Variants in UTP18 observed in about 807,000 individuals in gnomAD.
The protein encoded by UTP18 is U3 small nucleolar RNA-associated protein 18 homolog.
In UTP18, 36 loss-of-function variants were observed where a neutral mutation model predicts 61.1. The ratio of observed to expected loss-of-function variants is 0.59; its 90% CI spans 0.45 to 0.78. UTP18 has a LOEUF of 0.78. UTP18 is among the 30% of genes least tolerant of loss of function. UTP18 has a pLI of 0.00. For synonymous variants in UTP18, 282 were observed against 251.1 expected, an observed-to-expected ratio of 1.12 and a Z score of -1.16; for missense variants, 753 against 693.9, an observed-to-expected ratio of 1.09 and a Z score of -0.96.
At chr17:51,282,835 C>G (rs1010444694) in intron 9 of UTP18, among the ~76,000 whole-genome samples, 6 of 150,542 alleles carry the variant, frequency 4.0e-5, no homozygotes, top group Non-Finnish European at 7.4e-5. Context: ...CCTCTCTCTC[C>G]GCTTCTTCCT....
intron 8 of UTP18, 35 bp downstream of exon 8, chr17:51,280,140 A>C: frequency 1.3e-6 from 2 of 1,585,248 alleles, no homozygotes; most frequent in Admixed American, 1.7e-5. Context: ...TTCTTCTCCC[A>C]CAAGACACTA....
chr17:51,292,256 G>T (rs1905258145), intron 11 of UTP18, among the ~76,000 whole-genome samples: 1 of 152,156 alleles, frequency 6.6e-6, no homozygotes, highest in Non-Finnish European at 1.5e-5. Flanking sequence ...TGGTATTTAA[G>T]AACTTTAGAA....
chr17:51,293,855 A>G, intron 11 of UTP18, 48 bp from the exon 12 acceptor site: 1 of 1,412,012 alleles, frequency 7.1e-7, no homozygotes, highest in Non-Finnish European at 9.4e-7. Context: ...TTTAAGAAAC[A>G]TGAGCTCCCA....
Position 51,260,552 on chromosome 17 carries a change from C to A in UTP18, c.-33C>A, listed in dbSNP as rs774496350. ...TGGGCGCATGCGCAGCGAGGTTCCA[C>A]GTGAGCGCCTGCGTTTCTCCTCAAA... On this transcript the variant is annotated 5_prime_UTR_variant, in exon 1 of 14. Coordinates refer to ENST00000225298, the MANE Select transcript of UTP18 (RefSeq NM_016001.3). The A allele has an allele frequency of 6.3e-7, 1 of 1,593,508 alleles. No individual in the cohort carries two copies. Among genetic ancestry groups the A allele is most frequent in the Non-Finnish European group, 8.5e-7 (1 of 1,171,880 alleles).
At chr17:51,290,551 C>G (rs76018838) in intron 11 of UTP18, among the ~76,000 whole-genome samples, 2 of 152,172 alleles carry the variant, frequency 1.3e-5, no homozygotes, top group Non-Finnish European at 2.9e-5. Flanking sequence ...GCTTTAAAAT[C>G]CCTGCTCCCT....
chr17:51,285,228 T>C lies in UTP18; in HGVS notation c.1205-17T>C, dbSNP rs1352711568. On this transcript the variant is annotated splice_polypyrimidine_tract_variant and intron_variant, in intron 9 of 13. Transcript: ENST00000225298. ...TAAAGCAAAATTAACAACTCTTTTT[T>C]TCGCTCTTTTATGCAGGGGATGGAG... 5.0e-6 allele frequency: 8 copies of C among 1,612,186 alleles called. No individual in the cohort carries two copies. The highest frequency in any genetic ancestry group is 4.5e-5 in the East Asian group (2 of 44,804).
chr17:51,265,628 A>G (rs1473074081), intron 2 of UTP18, among the ~76,000 whole-genome samples: 1 of 138,280 alleles, frequency 7.2e-6, no homozygotes, highest in Non-Finnish European at 1.5e-5. Flanking sequence ...CAGTGCCACA[A>G]TCTGGGCTCA....
intron 13 of UTP18, 56 bp from the exon 14 acceptor site, chr17:51,297,726 T>C: frequency 2.3e-6 from 1 of 436,718 alleles, no homozygotes; most frequent in Non-Finnish European, 4.5e-6. Context: ...AGTACGTGTC[T>C]GTTGATGACC....
chr17:51,267,009 G>A (rs776106597), intron 3 of UTP18, among the ~76,000 whole-genome samples: 1 of 152,020 alleles, frequency 6.6e-6, no homozygotes, highest in Non-Finnish European at 1.5e-5. Context: ...AAATTTTTTT[G>A]TAGGAATGGG....
chr17:51,270,561 T>C (rs1333507608), intron 4 of UTP18, among the ~76,000 whole-genome samples: 1 of 152,160 alleles, frequency 6.6e-6, no homozygotes, highest in Non-Finnish European at 1.5e-5. Context: ...CACATAAAAT[T>C]GGGGTGGTAG....
chr17:51,266,099 A>G (rs1371921690), intron 2 of UTP18, 83 bp from the exon 3 acceptor site: 2 of 1,053,630 alleles, frequency 1.9e-6, no homozygotes, highest in Admixed American at 3.1e-5. Context: ...TTCATTAAAC[A>G]TTTTTCTCCA....
chr17:51,268,234 G>A (rs1001766351), intron 3 of UTP18, among the ~76,000 whole-genome samples: 1 of 152,062 alleles, frequency 6.6e-6, no homozygotes, highest in Non-Finnish European at 1.5e-5. Context: ...CACCATGTTA[G>A]CCAGGATGGT....
chr17:51,265,240 T>C (rs2055548212), intron 2 of UTP18, among the ~76,000 whole-genome samples: 1 of 152,110 alleles, frequency 6.6e-6, no homozygotes, highest in African/African-American at 2.4e-5. Context: ...TCTATATTTT[T>C]ACTTCATAGT....
intron 2 of UTP18, among the ~76,000 whole-genome samples, chr17:51,265,310 C>A (rs2055549213): frequency 6.7e-6 from 1 of 148,840 alleles, no homozygotes; most frequent in South Asian, 2.1e-4. Context: ...CTTGCCTGGG[C>A]TAGAGTGTAG....
At chr17:51,276,058 AC>A in intron 6 of UTP18, 67 bp downstream of exon 6, 2 of 1,472,232 alleles carry the variant, frequency 1.4e-6, no homozygotes, top group Non-Finnish European at 9.2e-7. Context: ...GACATTTGCA[AC>A]CCCAAATGCA....
At chr17:51,294,730 G>A (rs1240729432) in intron 12 of UTP18, among the ~76,000 whole-genome samples, 2 of 151,982 alleles carry the variant, frequency 1.3e-5, no homozygotes, top group African/African-American at 2.4e-5. Flanking sequence ...TAATGGGATG[G>A]CTGGGTCAAA....
At chr17:51,275,197 C>CA (rs1198501496) in intron 5 of UTP18, among the ~76,000 whole-genome samples, 13,747 of 100,642 alleles carry the variant, frequency 0.14, 1,207 homozygotes, top group African/African-American at 0.3. Flanking sequence ...AACCCAGTCT[C>CA]AAAAAAAAAA....
intron 9 of UTP18, among the ~76,000 whole-genome samples, chr17:51,282,481 AAGGG>A (rs931613539): frequency 2.7e-5 from 4 of 146,364 alleles, no homozygotes; most frequent in Admixed American, 2.1e-4. Context: ...AAGAGGAAGG[AAGGG>A]AGGGAGGGAA....
intron 4 of UTP18, among the ~76,000 whole-genome samples, chr17:51,272,948 A>G (rs1904576578): frequency 6.6e-6 from 1 of 152,234 alleles, no homozygotes; most frequent in African/African-American, 2.4e-5. Flanking sequence ...TCATTCAGCT[A>G]AAAGTTCTGG....
Sources: allele counts gnomAD v4.1 joint callset (sites outside exome capture counted in the v4.1 genomes callset), GRCh38; gene constraint gnomAD v4.1.1; transcripts MANE v1.5; gene names NCBI Gene and HGNC (gene_info 2026-07-23, HGNC 2026-07-21).